The following COTL1 variants were observed in gnomAD, a reference collection of about 807,000 sequenced individuals.
COTL1 encodes coactosin like F-actin binding protein 1.
COTL1 carries 15 observed loss-of-function variants against 16.5 expected under a neutral mutation model. The ratio of observed to expected loss-of-function variants is 0.91; its 90% CI spans 0.61 to 1.40. COTL1 has a LOEUF of 1.40. COTL1 is among the 40% of genes most tolerant of loss of function. The pLI is 0.00. For synonymous variants in COTL1, 112 were observed against 85.3 expected (o/e 1.31, Z -1.73); for missense variants, 220 against 201.5 (o/e 1.09, Z -0.56).
intron 2 of COTL1, among the ~76,000 whole-genome samples, chr16:84,616,666 C>G (rs1018499917): frequency 6.6e-6 from 1 of 152,172 alleles, no homozygotes; most frequent in African/African-American, 2.4e-5. Context: ...TAAAAGGTCC[C>G]ATTACCAACA....
chr16:84,570,672 C>T (rs1904322758), intron 3 of COTL1, among the ~76,000 whole-genome samples: 1 of 152,200 alleles, frequency 6.6e-6, no homozygotes, highest in Non-Finnish European at 1.5e-5. Flanking sequence ...TGATAACCCT[C>T]CTGGCTCAGC....
intron 3 of COTL1, among the ~76,000 whole-genome samples, chr16:84,571,271 A>C (rs1350477181): frequency 1.3e-5 from 2 of 152,168 alleles, no homozygotes; most frequent in Admixed American, 1.3e-4. Flanking sequence ...AGCCCACGCC[A>C]GTGCAAAGCC....
At chr16:84,603,759 G>T (rs1194519113) in intron 2 of COTL1, among the ~76,000 whole-genome samples, 1 of 152,030 alleles carries the variant, frequency 6.6e-6, no homozygotes, top group Non-Finnish European at 1.5e-5. Flanking sequence ...TCATGCCTGG[G>T]GACCCAGAAG....
At chr16:84,574,833 T>C (rs764323675) in intron 3 of COTL1, among the ~76,000 whole-genome samples, 9 of 151,918 alleles carry the variant, frequency 5.9e-5, no homozygotes, top group Non-Finnish European at 1.0e-4. Flanking sequence ...CCCTGTGACC[T>C]TTCTCAAGTG....
At chr16:84,599,501 G>C (rs535173154) in intron 2 of COTL1, among the ~76,000 whole-genome samples, 79 of 152,322 alleles carry the variant, frequency 5.2e-4, no homozygotes, top group African/African-American at 1.5e-3. Context: ...TTTCACATCT[G>C]TCTGGGTCTT....
chr16:84,579,674 A>G lies in COTL1; in HGVS notation c.318+10431T>C, dbSNP rs1428672124. ...TTTGTCGGAACCCTTTCGGCAAACC[A>G]CAGCGACTTAGAATAAAACCACCAC... On this transcript the variant is annotated intron_variant, in intron 3 of 3. Transcript: ENST00000262428. Among the ~76,000 whole-genome samples, 4 of 152,200 alleles carry G rather than the reference A, an allele frequency of 2.6e-5. No homozygotes were observed. The East Asian group carries it at 7.7e-4, about 29-fold the overall frequency.
intron 3 of COTL1, among the ~76,000 whole-genome samples, chr16:84,585,013 C>G (rs1313242523): frequency 6.6e-6 from 1 of 152,138 alleles, no homozygotes; most frequent in East Asian, 1.9e-4. Flanking sequence ...GGTAAAATGC[C>G]TTCATAAACA....
chr16:84,584,979 A>G (rs1158304526), intron 3 of COTL1, among the ~76,000 whole-genome samples: 4 of 152,226 alleles, frequency 2.6e-5, no homozygotes, highest in African/African-American at 2.4e-5. Context: ...CCCCCTTGGC[A>G]AAGTAAAATA....
chr16:84,589,974 G>T, intron 3 of COTL1, 131 bp downstream of exon 3: 1 of 842,016 alleles, frequency 1.2e-6, no homozygotes. Flanking sequence ...TACTGGTGCA[G>T]AGACATAGCA....
Position 84,590,523 on chromosome 16 carries a change from A to G in COTL1, c.161-261T>C, listed in dbSNP as rs1597175884. On this transcript the variant is annotated intron_variant, in intron 2 of 3. Coordinates refer to ENST00000262428, the MANE Select transcript of COTL1 (RefSeq NM_021149.5). The surrounding 1 kb of genome is among the most constrained non-coding windows in gnomAD (Gnocchi z 5.5). ...GGAAATGGAGATTCAGAGAAGTCAC[A>G]TGGCACTTTCAAGGTTGTGAGGGAA... 1.2e-5 allele frequency: 4 copies of G among 332,520 alleles called. No individual in the cohort carries two copies. The East Asian group carries it at 2.1e-4, about 18-fold the overall frequency. 20.6% of individuals were successfully genotyped at this position (332,520 alleles called of 1,614,324 possible). A position where few individuals can be genotyped will look rare whatever the true frequency, so the allele number is the denominator to read the frequency against.
intron 3 of COTL1, among the ~76,000 whole-genome samples, chr16:84,582,436 G>A (rs772899722): frequency 2.0e-5 from 3 of 152,282 alleles, no homozygotes; most frequent in South Asian, 2.1e-4. Flanking sequence ...AAGCCATGGC[G>A]CCCGGCCTCA....
In COTL1 at chr16:84,598,038, C is replaced by T. The variant is rs543207551; in HGVS notation, c.161-7776G>A. Among the ~76,000 whole-genome samples the T allele has an allele frequency of 5.9e-5, 9 of 152,250 alleles. No homozygotes were observed. The South Asian group carries it at 6.2e-4, about 11-fold the overall frequency. On this transcript the variant is annotated intron_variant, in intron 2 of 3. Transcript: ENST00000262428. ...ACACTGAGCCCCATCTCAGGGCTGC[C>T]GTCACTGAGGATACAGCAAGGTCAG...
chr16:84,615,278 T>A (rs1374902805), intron 2 of COTL1, among the ~76,000 whole-genome samples: 1 of 152,172 alleles, frequency 6.6e-6, no homozygotes, highest in Non-Finnish European at 1.5e-5. Flanking sequence ...CAGGGAAGCA[T>A]TTTTAGCTTC....
At chr16:84,616,482 A>C (rs2150699487) in intron 2 of COTL1, 1 of 149,896 alleles carries the variant, frequency 6.7e-6, no homozygotes, top group East Asian at 2.0e-4. Flanking sequence ...CAGCCTGGGC[A>C]AAAGAGGAAG....
intron 2 of COTL1, among the ~76,000 whole-genome samples, chr16:84,607,196 G>C (rs974615925): frequency 2.6e-5 from 4 of 152,180 alleles, no homozygotes. Context: ...ACACCACAAA[G>C]ACAAGGAGGG....
rs532852461 is a variant in COTL1, at chr16:84,581,042, T to C, written c.318+9063A>G. Among the ~76,000 whole-genome samples the C allele has an allele frequency of 2.8e-3, 420 of 152,254 alleles. 3 individuals carry two copies. The highest frequency in any genetic ancestry group is 4.6e-3 in the Non-Finnish European group (316 of 68,018). On this transcript the variant is annotated intron_variant, in intron 3 of 3. Transcript: ENST00000262428. Reference sequence around the variant, plus strand: ...CTGTGGTCCCAGCTACTTGAGAGGCTGAGGCAGGAGAATCGCCTGAACCCA... The same window carrying C: ...CTGTGGTCCCAGCTACTTGAGAGGCCGAGGCAGGAGAATCGCCTGAACCCA...
intron 3 of COTL1, among the ~76,000 whole-genome samples, chr16:84,573,772 C>T (rs868167059): frequency 5.6e-4 from 83 of 147,928 alleles, no homozygotes; most frequent in Admixed American, 1.1e-3. Flanking sequence ...TATACATACA[C>T]ACACACACAC....
chr16:84,586,289 G>A (rs1904731348), intron 3 of COTL1, among the ~76,000 whole-genome samples: 1 of 152,136 alleles, frequency 6.6e-6, no homozygotes, highest in South Asian at 2.1e-4. Flanking sequence ...TCCTCTTTGT[G>A]CTTCAACTTA....
intron 2 of COTL1, among the ~76,000 whole-genome samples, chr16:84,614,392 C>T (rs1184406327): frequency 1.3e-5 from 2 of 151,848 alleles, no homozygotes; most frequent in South Asian, 2.1e-4. Context: ...ACCCCGTGGC[C>T]CTCTGGAAAA....
Sources: gnomAD v4.1 joint callset for allele counts (sites outside exome capture counted in the v4.1 genomes callset) on GRCh38, gnomAD v4.1.1 for gene constraint, Gnocchi (gnomAD v3.1) non-coding constraint, MANE v1.5 for transcripts, NCBI Gene and HGNC (gene_info 2026-07-23, HGNC 2026-07-21) for gene names.